The following CEP70 variants were observed in gnomAD, a reference collection of about 807,000 sequenced individuals.
The protein encoded by CEP70 is centrosomal protein of 70 kDa.
In CEP70, 70 loss-of-function variants were observed where a neutral mutation model predicts 90.9. The ratio of observed to expected loss-of-function variants is 0.77; its 90% CI spans 0.64 to 0.94. The LOEUF (loss-of-function observed/expected upper bound fraction) is 0.94, where lower values mean the gene tolerates loss of function less well. Among genes scored for constraint, CEP70 ranks in the 40% least tolerant of loss-of-function variants. The pLI is 0.00. For missense variants in CEP70, 648 were observed against 669.0 expected (o/e 0.97, Z 0.35); for synonymous variants, 220 against 228.3 (o/e 0.96, Z 0.33).
intron 2 of CEP70, among the ~76,000 whole-genome samples, chr3:138,588,258 T>C (rs2042205606): frequency 6.6e-6 from 1 of 152,172 alleles, no homozygotes; most frequent in South Asian, 2.1e-4. Flanking sequence ...ATAAAAATAA[T>C]GTCTGCTCTT....
chr3:138,496,322 T>G (rs910038012), intron 17 of CEP70: 22 of 985,276 alleles, frequency 2.2e-5, no homozygotes, highest in Non-Finnish European at 2.7e-5. Flanking sequence ...TTAGTTCTTT[T>G]AAGCTCCCGA....
At chr3:138,552,219 TA>T (rs1247258259) in intron 6 of CEP70, among the ~76,000 whole-genome samples, 1 of 152,030 alleles carries the variant, frequency 6.6e-6, no homozygotes, top group Non-Finnish European at 1.5e-5. Context: ...AGCAACACAA[TA>T]ATAGTGGGGG....
chr3:138,502,317 T>A (rs773465005), intron 13 of CEP70, among the ~76,000 whole-genome samples: 11 of 152,118 alleles, frequency 7.2e-5, no homozygotes, highest in Non-Finnish European at 1.2e-4. Context: ...GAGGCTACCA[T>A]ACTAGACAGC....
Position 138,500,751 on chromosome 3 carries a change from A to G in CEP70, c.1352T>C (p.Val451Ala), listed in dbSNP as rs1317036394. 1 of 1,595,364 alleles carries G rather than the reference A, an allele frequency of 6.3e-7. No homozygotes were observed. The highest frequency in any genetic ancestry group is 1.2e-5 in the South Asian group (1 of 86,736). The change falls in exon 14 of 18, where the codon GTT (valine) becomes GCT (alanine). Residue 451 changes from valine (V) to alanine (A), a missense_variant. Physicochemically the swap from Val to Ala is moderately conservative, Grantham distance 64 (BLOSUM62 0). Coordinates refer to ENST00000264982, the MANE Select transcript of CEP70 (RefSeq NM_024491.4). ...AGGTATTACCTTTTCCTTATTTTCA[A>G]CTTCTTCCAGCATAGTATCTACTAT... ...LFIVDTMLEE[V>A]ENKEKDSNMP...
At chr3:138,498,148 C>T in intron 16 of CEP70, 38 bp from the exon 17 acceptor site, 1 of 1,513,422 alleles carries the variant, frequency 6.6e-7, no homozygotes. Context: ...TGATTTCTAA[C>T]TTTGGGTTCT....
At chr3:138,582,794 T>G (rs994188506) in intron 2 of CEP70, among the ~76,000 whole-genome samples, 1 of 151,738 alleles carries the variant, frequency 6.6e-6, no homozygotes, top group Admixed American at 6.6e-5. Context: ...ATAAATAAGA[T>G]AATGGATTAT....
At chr3:138,590,628 C>T (rs985145543) in intron 2 of CEP70, among the ~76,000 whole-genome samples, 4 of 150,866 alleles carry the variant, frequency 2.7e-5, no homozygotes, top group Non-Finnish European at 4.4e-5. Flanking sequence ...GGTGATACCC[C>T]GTTTCTACTA....
chr3:138,507,606 T>C (rs1310688303), intron 12 of CEP70, among the ~76,000 whole-genome samples: 1 of 152,180 alleles, frequency 6.6e-6, no homozygotes, highest in Non-Finnish European at 1.5e-5. Flanking sequence ...ATATGATCTA[T>C]GATAAAATGT....
At chr3:138,496,863 A>G (rs948481031) in intron 17 of CEP70, 1 of 985,372 alleles carries the variant, frequency 1.0e-6, no homozygotes, top group Non-Finnish European at 1.2e-6. Context: ...ATAATATCTG[A>G]AAGGAAGTTT....
chr3:138,562,776 A>G (rs1379789270), intron 6 of CEP70, among the ~76,000 whole-genome samples: 5 of 152,202 alleles, frequency 3.3e-5, no homozygotes, highest in Non-Finnish European at 5.9e-5. Context: ...GACCATCGAC[A>G]CTATGAAGAA....
At chr3:138,525,956 T>C (rs1357779993) in intron 10 of CEP70, among the ~76,000 whole-genome samples, 1 of 152,222 alleles carries the variant, frequency 6.6e-6, no homozygotes, top group Non-Finnish European at 1.5e-5. Flanking sequence ...CCCTCATTAA[T>C]GTCATTCTTC....
rs201412640 is a variant in CEP70 at position 138,537,335 on chromosome 3, G to A, written c.478C>T (p.His160Tyr). 1.1e-4 allele frequency: 169 copies of A among 1,589,688 alleles called. 1 individual carries two copies. Among genetic ancestry groups the A allele is most frequent in the Non-Finnish European group, 2.2e-5 (26 of 1,170,286 alleles). The change falls in exon 7 of 18, where the codon CAT becomes TAT. Residue 160 changes from histidine (H) to tyrosine (Y), a missense_variant. Physicochemically the swap from His to Tyr is moderately conservative, Grantham distance 83. Transcript: ENST00000264982. ...EQKTLQVKCQ[H>Y]YKKKRTEQEE... The stretch of plus-strand genomic sequence containing the variant: ...TGCTCCGTTCGTTTTTTCTTATAAT[G>A]CTGGCACTTCACCTATAAGATATTT...
At position 138,508,439 on chromosome 3, in the gene CEP70, C is replaced by G; in HGVS notation, c.1050G>C (p.Gln350His). 6.3e-7 allele frequency: 1 copy of G among 1,583,922 alleles called. No homozygotes were observed. The highest frequency in any genetic ancestry group is 8.7e-7 in the Non-Finnish European group (1 of 1,152,814). The change falls in exon 12 of 18, where the codon CAG (glutamine) becomes CAC (histidine). Residue 350 changes from glutamine to histidine, a missense_variant and splice_region_variant. Coordinates refer to ENST00000264982, the MANE Select transcript of CEP70 (RefSeq NM_024491.4). ...TTGTCATGAAAAATCAATTCAATAC[C>G]TGAAAGTATCTCTGGTCAATTAGGG... The part of the protein sequence containing the change: ...QQALIDQRYF[Q>H]VLCSINSIIH...
At chr3:138,524,916 A>G (rs1423037017) in intron 11 of CEP70, among the ~76,000 whole-genome samples, 1 of 152,248 alleles carries the variant, frequency 6.6e-6, no homozygotes, top group African/African-American at 2.4e-5. Context: ...ATTACTGGGT[A>G]TATACCCAAA....
At chr3:138,585,144 C>T (rs1006606710) in intron 2 of CEP70, among the ~76,000 whole-genome samples, 3 of 152,086 alleles carry the variant, frequency 2.0e-5, no homozygotes, top group African/African-American at 4.8e-5. Context: ...TTTGGAAAAA[C>T]CTGAAGACTC....
chr3:138,591,847 G>C lies in CEP70; in HGVS notation c.-6+7C>G. The C allele has an allele frequency of 6.5e-7, 1 of 1,530,912 alleles. No homozygotes were observed. The allele number at this position is 1,530,912 out of a possible 1,614,324, so 94.8% of individuals were successfully genotyped here. Reference sequence around the variant, plus strand: ...ACATCTGGAGTCATCCGTTACATTAGACATACCTCAGTCATAGCATATTAC... The same window carrying C: ...ACATCTGGAGTCATCCGTTACATTACACATACCTCAGTCATAGCATATTAC... On this transcript the variant is annotated splice_region_variant and intron_variant, in intron 2 of 17. Coordinates refer to ENST00000264982, the MANE Select transcript of CEP70 (RefSeq NM_024491.4).
At chr3:138,495,367 C>T (rs947516392) in intron 17 of CEP70, among the ~76,000 whole-genome samples, 1 of 152,178 alleles carries the variant, frequency 6.6e-6, no homozygotes, top group African/African-American at 2.4e-5. Flanking sequence ...CAACTGCCCA[C>T]ATGTGTGATA....
intron 11 of CEP70, among the ~76,000 whole-genome samples, chr3:138,524,896 C>T (rs888450335): frequency 5.9e-5 from 9 of 152,210 alleles, no homozygotes; most frequent in African/African-American, 2.2e-4. Flanking sequence ...CCATTTGACC[C>T]AGCCATCCCA....
At chr3:138,509,882 G>C (rs1204806752) in intron 11 of CEP70, among the ~76,000 whole-genome samples, 1 of 152,028 alleles carries the variant, frequency 6.6e-6, no homozygotes, top group Non-Finnish European at 1.5e-5. Flanking sequence ...GTACCACAGT[G>C]CTTATGTTCA....
Sources: allele counts gnomAD v4.1 joint callset (sites outside exome capture counted in the v4.1 genomes callset), GRCh38; gene constraint gnomAD v4.1.1; transcripts MANE v1.5; gene names NCBI Gene and HGNC (gene_info 2026-07-23, HGNC 2026-07-21).